AGAP4: variants seen among roughly 807,000 people sequenced by gnomAD.
AGAP4 encodes ArfGAP with GTPase domain, ankyrin repeat and PH domain 4.
Under a neutral mutation model 60.7 loss-of-function variants are expected in AGAP4, and 13 were observed. The observed-to-expected ratio is 0.21, with a 90% CI of 0.14 to 0.34. The LOEUF is 0.34. AGAP4 is among the 10% of genes least tolerant of loss of function. The probability of loss-of-function intolerance (pLI) is 1.00; values close to 1 mark genes in which losing one functional copy is unlikely to be tolerated. For missense variants in AGAP4, 169 were observed against 884.0 expected, an observed-to-expected ratio of 0.19 and a Z score of 10.26; for synonymous variants, 70 against 339.0, an observed-to-expected ratio of 0.21 and a Z score of 8.72.
At chr10:45,844,769 T>A (rs1342570401) in intron 2 of AGAP4, among the ~76,000 whole-genome samples, 1 of 148,360 alleles carries the variant, frequency 6.7e-6, no homozygotes, top group African/African-American at 2.5e-5. Flanking sequence ...AAGACAGGTC[T>A]ATTTTATAGG....
rs201317678 is a variant in AGAP4, at chr10:45,847,258, C to T, written c.90G>A (p.Glu30=). 0.01 allele frequency: 16,566 copies of T among 1,598,512 alleles called. 149 individuals are homozygous for T. The highest frequency in any genetic ancestry group is 0.013 in the Non-Finnish European group (15,074 of 1,179,792). ...TGTCCCCAGCTCCTGCCTCATAGAT[C>T]TCAGATTCAGAGGGACACACCGACC... ...QQGSVCPSES[E]IYEAGAGDRM... The change falls in exon 1 of 8, where the codon GAG becomes GAA. Residue 30 remains glutamate, a synonymous_variant. Transcript: ENST00000616763.
chr10:45,841,740 A>T, intron 3 of AGAP4, 53 bp from the exon 4 acceptor site: 12 of 595,878 alleles, frequency 2.0e-5, no homozygotes, highest in Non-Finnish European at 3.2e-5. Context: ...ACCATAAAAT[A>T]AAAGTAGTTG....
At chr10:45,847,087 G>C (rs2059011270) in intron 1 of AGAP4, 38 bp downstream of exon 1, 1 of 1,597,066 alleles carries the variant, frequency 6.3e-7, no homozygotes. Context: ...AGCAGCCAGA[G>C]GCAAACCGAG....
intron 6 of AGAP4, among the ~76,000 whole-genome samples, chr10:45,828,321 T>A (rs2058678205): frequency 1.3e-5 from 2 of 149,020 alleles, no homozygotes; most frequent in Admixed American, 1.3e-4. Context: ...GAGTATTGAC[T>A]CTCCCTAACA....
rs2058632792 is a variant in AGAP4 at position 45,825,651 on chromosome 10, T to C, written c.*264A>G. 1 of 473,116 alleles carries C rather than the reference T, an allele frequency of 2.1e-6. No homozygotes were observed. The allele number at this position is 473,116 out of a possible 1,614,324, so 29.3% of individuals were successfully genotyped here. ...TTCAAATATATTTTCACACATTTTA[T>C]CTAAATACATAATACAGAAGCCTGT... On this transcript the variant is annotated 3_prime_UTR_variant, in exon 8 of 8. Coordinates refer to ENST00000616763, the MANE Select transcript of AGAP4 (RefSeq NM_001276343.3).
At chr10:45,840,897 CAG>C (rs1184562968) in intron 4 of AGAP4, among the ~76,000 whole-genome samples, 1 of 73,154 alleles carries the variant, frequency 1.4e-5, no homozygotes, top group African/African-American at 6.2e-5. Context: ...ATAATATTTG[CAG>C]AGTCATAATC....
upstream of AGAP4, chr10:45,847,551 G>T: frequency 6.9e-7 from 1 of 1,446,666 alleles, no homozygotes; most frequent in Non-Finnish European, 9.0e-7. Context: ...GCCAAGGCCC[G>T]CACCCTGCTG....
upstream of AGAP4, chr10:45,854,633 C>CAAAAAAAAAA (rs1159986731): frequency 6.0e-5 from 4 of 66,256 alleles, no homozygotes; most frequent in Non-Finnish European, 8.0e-5. Context: ...GACTCCCTCT[C>CAAAAAAAAAA]AAAAAAAAAA....
chr10:45,829,364 T>C (rs370282024), intron 6 of AGAP4, among the ~76,000 whole-genome samples: 7,662 of 145,372 alleles, frequency 0.053, 311 homozygotes, highest in Non-Finnish European at 0.075. Flanking sequence ...GAATCCGTGA[T>C]TTAACTGTGA....
chr10:45,834,530 C>A (rs1380120516), intron 4 of AGAP4, among the ~76,000 whole-genome samples: 1 of 117,068 alleles, frequency 8.5e-6, no homozygotes, highest in Admixed American at 8.2e-5. Context: ...AAAAAATTAG[C>A]CGGGCGTGGT....
intron 2 of AGAP4, among the ~76,000 whole-genome samples, chr10:45,845,404 T>C (rs1183739850): frequency 1.0e-5 from 1 of 99,662 alleles, no homozygotes; most frequent in Non-Finnish European, 2.1e-5. Context: ...CTGGATGTAA[T>C]ATGTTTATGA....
upstream of AGAP4, among the ~76,000 whole-genome samples, chr10:45,849,294 G>A (rs2059050165): frequency 6.6e-6 from 1 of 151,618 alleles, no homozygotes; most frequent in African/African-American, 2.4e-5. Flanking sequence ...AGAACAGCAT[G>A]AGGATAACTG....
upstream of AGAP4, chr10:45,847,641 A>C (rs1163194339): frequency 5.1e-6 from 7 of 1,378,932 alleles, no homozygotes; most frequent in African/African-American, 1.5e-5. Flanking sequence ...AAGTGCTGAG[A>C]GACACAACAA....
Position 45,853,860 on chromosome 10 carries a change from C to T in AGAP4, n.16G>A. ...GGGTCTATTCTCATTACCTCAGCCA[C>T]CTTTCACTTCCTATCAGTTCAGTTC... On this transcript the variant is annotated non_coding_transcript_exon_variant, in exon 1 of 10. Transcript: ENST00000430779. The T allele has an allele frequency of 5.6e-6, 7 of 1,250,366 alleles. No individual in the cohort carries two copies. The South Asian group carries it at 8.2e-5, about 15-fold the overall frequency. 77.5% of individuals were successfully genotyped at this position (1,250,366 alleles called of 1,614,324 possible).
chr10:45,852,464 A>T (rs1453932116), upstream of AGAP4, among the ~76,000 whole-genome samples: 2 of 149,068 alleles, frequency 1.3e-5, no homozygotes, highest in South Asian at 4.4e-4. Flanking sequence ...GTTAAAAGAA[A>T]TAACAGCAGG....
At chr10:45,843,473 TAA>T (rs1420800915) in intron 3 of AGAP4, among the ~76,000 whole-genome samples, 1 of 136,110 alleles carries the variant, frequency 7.3e-6, no homozygotes, top group Non-Finnish European at 1.5e-5. Flanking sequence ...TTGAGCCAAT[TAA>T]ACCTCTTTTT....
rs1390566443 is a variant in AGAP4 at position 45,831,900 on chromosome 10, C to T, written c.498-471G>A. ...GACTACAAGTTTGTGCCACTATGCC[C>T]AGATAATGTTTTTTTGGGGGGTGGG... On this transcript the variant is annotated intron_variant, in intron 5 of 7. Transcript: ENST00000616763. 1.8e-4 allele frequency among the ~76,000 whole-genome samples: 27 copies of T among 147,812 alleles called. 5 individuals are homozygous for T. Among genetic ancestry groups the T allele is most frequent in the Non-Finnish European group, 6.0e-5 (4 of 66,644 alleles).
rs1430295818 is a variant in AGAP4, at chr10:45,853,041, A to G, written n.221+614T>C. On this transcript the variant is annotated intron_variant and non_coding_transcript_variant, in intron 1 of 9. Transcript: ENST00000430779. ...GTTTTACAACCCTTTGCAAGCATAT[A>G]TGAAAAACTTACAAAAAGTCTGTAA... is the stretch of plus-strand genomic sequence containing the variant. Among the ~76,000 whole-genome samples, 4 of 152,240 alleles carry G rather than the reference A, an allele frequency of 2.6e-5. No homozygotes were observed. In the East Asian group the frequency reaches 7.7e-4, roughly 29 times the overall value.
At chr10:45,848,068 C>T, upstream of AGAP4, 2 of 992,076 alleles carry the variant, frequency 2.0e-6, no homozygotes, top group Non-Finnish European at 2.4e-6. Context: ...CTTTTATTTG[C>T]TGACTAAATA....
Sources: allele counts gnomAD v4.1 joint callset (sites outside exome capture counted in the v4.1 genomes callset), GRCh38; gene constraint gnomAD v4.1.1; transcripts MANE v1.5; gene names NCBI Gene and HGNC (gene_info 2026-07-23, HGNC 2026-07-21).